Variants in CHST8 observed in about 807,000 individuals in gnomAD.
The protein encoded by CHST8 is carbohydrate sulfotransferase 8.
CHST8 carries 10 observed loss-of-function variants against 15.0 expected under a neutral mutation model. That is an observed-to-expected ratio of 0.67 (90% confidence interval 0.41 to 1.13). CHST8 has a LOEUF of 1.13. CHST8 is among the 50% of genes most tolerant of loss of function. The pLI is 0.00. For missense variants in CHST8, 634 were observed against 608.2 expected, an observed-to-expected ratio of 1.04 and a Z score of -0.45; for synonymous variants, 259 against 256.6, an observed-to-expected ratio of 1.01 and a Z score of -0.09.
At chr19:33,701,210 C>T (rs1973329474) in intron 3 of CHST8, among the ~76,000 whole-genome samples, 1 of 152,120 alleles carries the variant, frequency 6.6e-6, no homozygotes, top group Admixed American at 6.6e-5. Flanking sequence ...TTCCCCTTAG[C>T]AGTGCCATCC....
intron 3 of CHST8, among the ~76,000 whole-genome samples, chr19:33,719,781 A>G (rs555876580): frequency 6.6e-6 from 1 of 151,956 alleles, no homozygotes; most frequent in East Asian, 1.9e-4. Context: ...GTCGGACCTG[A>G]ACCATGCACA....
chr19:33,715,732 A>G (rs953551423), intron 3 of CHST8, among the ~76,000 whole-genome samples: 3 of 152,154 alleles, frequency 2.0e-5, no homozygotes, highest in African/African-American at 7.2e-5. Flanking sequence ...ATCATGTCCA[A>G]CCAGCTGCCT....
chr19:33,772,399 A>G lies in CHST8; in HGVS notation c.611A>G (p.Asn204Ser), dbSNP rs746863967. 3.7e-6 allele frequency: 6 copies of G among 1,609,982 alleles called. No homozygotes were observed. The highest frequency in any genetic ancestry group is 5.1e-6 in the Non-Finnish European group (6 of 1,179,644). Residue 204 changes from asparagine (N) to serine (S), a missense_variant, in exon 5 of 5, where the codon AAT becomes AGT. Asn to Ser is a conservative substitution (Grantham distance 46, BLOSUM62 1). Transcript: ENST00000650847. ...GAGGTGCCCAAGGCCGGCTGCTCCAATTGGAAGCGGGTGCTCATGGTGCTG... is the reference window on the plus strand; with the variant it reads ...GAGGTGCCCAAGGCCGGCTGCTCCAGTTGGAAGCGGGTGCTCATGGTGCTG... ...YCEVPKAGCS[N>S]WKRVLMVLAG...
intron 3 of CHST8, among the ~76,000 whole-genome samples, chr19:33,743,625 G>A (rs557569715): frequency 6.6e-6 from 1 of 151,928 alleles, no homozygotes; most frequent in African/African-American, 2.4e-5. Flanking sequence ...TATCATCCCT[G>A]CTTCATTGAG....
intron 3 of CHST8, among the ~76,000 whole-genome samples, chr19:33,757,506 GAAAGAAAGAAAGAAAGAGAAAGAAAGAA>G (rs1974605704): frequency 2.1e-5 from 1 of 47,064 alleles, no homozygotes; most frequent in Admixed American, 2.4e-4. Context: ...AAGAAAGAAA[GAAAGAAAGAAAGAAAGAGAAAGAAAGAA>G]AGAAAGAAAG....
Position 33,772,471 on chromosome 19 carries a change from A to T in CHST8, c.683A>T (p.His228Leu), listed in dbSNP as rs753494420. The change falls in exon 5 of 5, where the codon CAC (histidine) becomes CTC (leucine). Residue 228 changes from histidine to leucine, a missense_variant. Transcript: ENST00000650847. ...STADIQHNTVHYGSALKRLDT... is the reference protein window; with the variant it reads ...STADIQHNTVLYGSALKRLDT... ...GCCGACATCCAGCACAACACCGTCC[A>T]CTATGGCAGCGCTCTCAAGCGCCTG... 1 of 1,613,432 alleles carries T rather than the reference A, an allele frequency of 6.2e-7. No homozygotes were observed.
At chr19:33,705,251 T>C (rs913862201) in intron 3 of CHST8, among the ~76,000 whole-genome samples, 7 of 152,192 alleles carry the variant, frequency 4.6e-5, no homozygotes, top group Admixed American at 4.6e-4. Flanking sequence ...AAGCGGTCCA[T>C]GAGCAGAGCA....
At chr19:33,671,863 A>G (rs1436498048) in intron 2 of CHST8, among the ~76,000 whole-genome samples, 8 of 151,926 alleles carry the variant, frequency 5.3e-5, no homozygotes, top group Non-Finnish European at 1.0e-4. Context: ...AGTGCCAGGC[A>G]TGTAGTAGGT....
rs112107852 is a variant in CHST8 at position 33,722,737 on chromosome 19, G to C, written c.130+33346G>C. ...CCACCCCGAGCGTAACTCCCATCAC[G>C]GGCCTTGGGAAGCTGGAACAGCCTA... On this transcript the variant is annotated intron_variant, in intron 3 of 4. Transcript: ENST00000650847. Among the ~76,000 whole-genome samples the C allele has an allele frequency of 9.0e-3, 1,369 of 152,158 alleles. 21 individuals are homozygous for C. Among genetic ancestry groups the C allele is most frequent in the African/African-American group, 0.031 (1,285 of 41,514 alleles).
rs144114795 is a variant in CHST8, at chr19:33,751,514, G to T, written c.131-19899G>T. Among the ~76,000 whole-genome samples the T allele has an allele frequency of 1.3e-3, 192 of 152,344 alleles. 1 individual carries two copies. Among genetic ancestry groups the T allele is most frequent in the African/African-American group, 4.1e-3 (169 of 41,586 alleles). On this transcript the variant is annotated intron_variant, in intron 3 of 4. Coordinates refer to ENST00000650847, the MANE Select transcript of CHST8 (RefSeq NM_001127895.2). ...TGGTCTCCCCAGGGACCCAGTGTGG[G>T]CAGCCCAAGGCCAAGACCCTGGCAG...
chr19:33,713,812 G>A (rs1038583386), intron 3 of CHST8, among the ~76,000 whole-genome samples: 7 of 152,220 alleles, frequency 4.6e-5, no homozygotes, highest in Middle Eastern at 3.4e-3. Flanking sequence ...CACCCGCCTT[G>A]GCCTCCTAGT....
At chr19:33,723,857 C>T (rs1450442189) in intron 3 of CHST8, among the ~76,000 whole-genome samples, 1 of 152,184 alleles carries the variant, frequency 6.6e-6, no homozygotes, top group South Asian at 2.1e-4. Context: ...ACCTGATCAT[C>T]CTCGAGCCAA....
chr19:33,649,630 T>C (rs1972408415), intron 1 of CHST8, among the ~76,000 whole-genome samples: 1 of 152,242 alleles, frequency 6.6e-6, no homozygotes, highest in African/African-American at 2.4e-5. Flanking sequence ...CATGTTTACC[T>C]TGTTTACCTT....
chr19:33,750,218 G>T (rs1219969743), intron 3 of CHST8, among the ~76,000 whole-genome samples: 1 of 152,202 alleles, frequency 6.6e-6, no homozygotes, highest in Non-Finnish European at 1.5e-5. Context: ...GGGTCAGCAG[G>T]GTTGGGAGGA....
chr19:33,751,820 G>A (rs1004496815), intron 3 of CHST8, among the ~76,000 whole-genome samples: 11 of 152,216 alleles, frequency 7.2e-5, no homozygotes, highest in Admixed American at 2.6e-4. Flanking sequence ...AAGCCCCCAC[G>A]GGAGCGGGAT....
At chr19:33,690,046 C>T (rs1290986916) in intron 3 of CHST8, among the ~76,000 whole-genome samples, 3 of 152,082 alleles carry the variant, frequency 2.0e-5, no homozygotes, top group African/African-American at 7.2e-5. Context: ...TTTCTGCTGC[C>T]GGGACACGGT....
chr19:33,703,410 C>T (rs934288708), intron 3 of CHST8, among the ~76,000 whole-genome samples: 5 of 152,240 alleles, frequency 3.3e-5, no homozygotes, highest in Admixed American at 1.3e-4. Flanking sequence ...GCTGTTGCTA[C>T]GATTGCTGTC....
chr19:33,758,388 G>A (rs117158205), intron 3 of CHST8, among the ~76,000 whole-genome samples: 102 of 152,302 alleles, frequency 6.7e-4, no homozygotes, highest in Non-Finnish European at 1.1e-3. Flanking sequence ...TGAGCCCCTA[G>A]GCAGCCCTTT....
intron 2 of CHST8, among the ~76,000 whole-genome samples, chr19:33,686,223 G>A (rs1332007264): frequency 6.6e-6 from 1 of 152,198 alleles, no homozygotes; most frequent in East Asian, 1.9e-4. Context: ...AACAGATGAA[G>A]CTCCACCACC....
Sources: allele counts gnomAD v4.1 joint callset (sites outside exome capture counted in the v4.1 genomes callset), GRCh38; gene constraint gnomAD v4.1.1; transcripts MANE v1.5; gene names NCBI Gene and HGNC (gene_info 2026-07-23, HGNC 2026-07-21).